NFIB: variants seen among roughly 807,000 people sequenced by gnomAD.
The protein encoded by NFIB is nuclear factor I B.
Under a neutral mutation model 61.5 loss-of-function variants are expected in NFIB, and 11 were observed. The ratio of observed to expected loss-of-function variants is 0.18; its 90% confidence interval spans 0.11 to 0.30. The LOEUF is 0.30. Among genes scored for constraint, NFIB ranks in the 10% least tolerant of loss-of-function variants. NFIB has a pLI of 1.00. For missense variants in NFIB, 471 were observed against 608.9 expected (o/e 0.77, Z 2.38); for synonymous variants, 260 against 216.5 (o/e 1.20, Z -1.76).
At chr9:14,132,883 CT>C (rs1445690326) in intron 6 of NFIB, among the ~76,000 whole-genome samples, 2 of 152,118 alleles carry the variant, frequency 1.3e-5, no homozygotes, top group East Asian at 3.9e-4. Context: ...TCCTTTCTTC[CT>C]TTTTTTCTTC....
chr9:14,468,054 C>T, the NFIB span, among the ~76,000 whole-genome samples: 1 of 152,172 alleles, frequency 6.6e-6, no homozygotes, highest in African/African-American at 2.4e-5. Context: ...TCTATTTCTC[C>T]AGAATTTATG....
chr9:14,405,715 G>A, the NFIB span, among the ~76,000 whole-genome samples: 2 of 152,182 alleles, frequency 1.3e-5, no homozygotes, highest in African/African-American at 4.8e-5. Flanking sequence ...AAAATTGACT[G>A]CTTCCAAAAA....
intron 2 of NFIB, among the ~76,000 whole-genome samples, chr9:14,212,724 G>C (rs1025162204): frequency 5.3e-5 from 8 of 151,788 alleles, no homozygotes; most frequent in African/African-American, 1.9e-4. Context: ...TTGGATTTAA[G>C]TTATATGATA....
chr9:14,194,367 C>T (rs550172328), intron 2 of NFIB, among the ~76,000 whole-genome samples: 21 of 152,224 alleles, frequency 1.4e-4, no homozygotes, highest in African/African-American at 5.1e-4. Context: ...TGCACAGACA[C>T]TAAAAACCAT....
chr9:14,522,998 T>G, the NFIB span, among the ~76,000 whole-genome samples: 1 of 152,122 alleles, frequency 6.6e-6, no homozygotes, highest in African/African-American at 2.4e-5. Flanking sequence ...CTACCATCAT[T>G]TCACTTTAAA....
chr9:14,112,403 G>C (rs1288770639), intron 10 of NFIB, among the ~76,000 whole-genome samples: 3 of 152,096 alleles, frequency 2.0e-5, no homozygotes. Flanking sequence ...CAGCATTAAT[G>C]AGATGTGAAA....
chr9:14,453,257 G>A, the NFIB span, among the ~76,000 whole-genome samples: 5 of 152,138 alleles, frequency 3.3e-5, no homozygotes, highest in African/African-American at 9.7e-5. Context: ...AACAAACATT[G>A]GCAGGTTTCT....
At chr9:14,434,524 G>A in the NFIB span, among the ~76,000 whole-genome samples, 52 of 152,226 alleles carry the variant, frequency 3.4e-4, no homozygotes, top group African/African-American at 1.2e-3. Flanking sequence ...TTCCTACTAG[G>A]GGAAGCCAAA....
intron 2 of NFIB, among the ~76,000 whole-genome samples, chr9:14,250,125 T>A (rs867501427): frequency 9.9e-5 from 15 of 152,224 alleles, no homozygotes. Context: ...TCTGAAAGGT[T>A]ATCACGCAGG....
chr9:14,282,645 T>C (rs975192690), intron 2 of NFIB, among the ~76,000 whole-genome samples: 9 of 152,210 alleles, frequency 5.9e-5, no homozygotes, highest in South Asian at 2.1e-4. Flanking sequence ...GCCTTTCTTA[T>C]TTGGTCTTCT....
the NFIB span, among the ~76,000 whole-genome samples, chr9:14,497,154 C>G: frequency 2.0e-5 from 3 of 152,154 alleles, no homozygotes; most frequent in Non-Finnish European, 4.4e-5. Context: ...AAGTTATATT[C>G]CAGGTATCTA....
rs62532796 is a variant in NFIB at position 14,355,235 on chromosome 9, C to G, written c.108+43289G>C. Among the ~76,000 whole-genome samples, 536 of 152,188 alleles carry G rather than the reference C, an allele frequency of 3.5e-3. 1 individual carries two copies. The highest frequency in any genetic ancestry group is 5.7e-3 in the Admixed American group (87 of 15,294). On this transcript the variant is annotated intron_variant, in intron 1 of 8. Transcript: ENST00000380934. ...AAGTTATTATGAAGTGGGCCCTAAT[C>G]CAGTATGACTGGTGGAGTCCCTGTA...
Position 14,120,447 on chromosome 9 carries a change from G to T in NFIB, c.1238C>A (p.Thr413Asn), listed in dbSNP as rs766421992. The T allele has an allele frequency of 6.2e-7, 1 of 1,614,006 alleles. No individual in the cohort carries two copies. The highest frequency in any genetic ancestry group is 2.2e-5 in the East Asian group (1 of 44,866). Residue 413 changes from threonine to asparagine, a missense_variant, in exon 8 of 11, where the codon ACC becomes AAC. Thr to Asn is a moderately conservative substitution (Grantham distance 65). This residue lies in a region of NFIB where 372 missense variants were observed against 395.6 expected (regional missense o/e 0.94). Transcript: ENST00000380953. The surrounding 1 kb of genome is among the most constrained non-coding windows in gnomAD (Gnocchi z 4.4). ...VPSYDPSSPQTSQPNGSGQVV... is the reference protein window; with the variant it reads ...VPSYDPSSPQNSQPNGSGQVV... ...TTTCTCTCTTATTTTTACCTGGCTG[G>T]TTTGTGGACTGGATGGGTCATAAGA...
chr9:14,281,645 C>T (rs1345580493), intron 2 of NFIB, among the ~76,000 whole-genome samples: 2 of 152,270 alleles, frequency 1.3e-5, no homozygotes, highest in African/African-American at 2.4e-5. Context: ...AGATAAACTG[C>T]TATTAGTGAA....
the NFIB span, among the ~76,000 whole-genome samples, chr9:14,496,107 A>C: frequency 6.6e-6 from 1 of 152,190 alleles, no homozygotes; most frequent in African/African-American, 2.4e-5. Flanking sequence ...CAATAAATAC[A>C]ATCTATTTTC....
Position 14,312,723 on chromosome 9 carries a change from TTC to T in NFIB, c.30+757_30+758del, listed in dbSNP as rs748583692. Among the ~76,000 whole-genome samples the T allele has an allele frequency of 2.1e-3, 321 of 152,298 alleles. 3 individuals are homozygous for T. Among genetic ancestry groups the T allele is most frequent in the South Asian group, 9.5e-3 (46 of 4,830 alleles). Reference sequence around the variant, plus strand: ...TCAAAGTCGAAAAAAATGACCTTACTTCTACCAGCATTACTTAAAATGCCTTA... The same window carrying T: ...TCAAAGTCGAAAAAAATGACCTTACTTACCAGCATTACTTAAAATGCCTTA... On this transcript the variant is annotated intron_variant, in intron 1 of 10. Transcript: ENST00000380953.
At chr9:14,275,405 TAGTA>T (rs2057929730) in intron 2 of NFIB, among the ~76,000 whole-genome samples, 1 of 152,092 alleles carries the variant, frequency 6.6e-6, no homozygotes, top group Non-Finnish European at 1.5e-5. Flanking sequence ...CATAAAGTCA[TAGTA>T]AGAAGAAGAA....
chr9:14,497,349 C>T, the NFIB span, among the ~76,000 whole-genome samples: 2 of 152,108 alleles, frequency 1.3e-5, no homozygotes, highest in African/African-American at 4.8e-5. Context: ...TACAGGAGTG[C>T]CTTAATGTTC....
chr9:14,160,684 C>G (rs573029136), intron 3 of NFIB, among the ~76,000 whole-genome samples: 1 of 152,130 alleles, frequency 6.6e-6, no homozygotes, highest in African/African-American at 2.4e-5. Context: ...GCATTAACTT[C>G]ACGTTCACCA....
Sources: gnomAD v4.1 joint callset for allele counts (sites outside exome capture counted in the v4.1 genomes callset) on GRCh38, gnomAD v4.1.1 for gene constraint, gnomAD v4.1.1 regional missense constraint, Gnocchi (gnomAD v3.1) non-coding constraint, MANE v1.5 for transcripts, NCBI Gene and HGNC (gene_info 2026-07-23, HGNC 2026-07-21) for gene names.